The following CELSR1 variants were observed in gnomAD, a reference collection of about 807,000 sequenced individuals.
CELSR1 encodes cadherin EGF LAG seven-pass G-type receptor 1, also known as adhesion G protein-coupled receptor C1.
CELSR1 carries 110 observed loss-of-function variants against 249.1 expected under a neutral mutation model. That is an observed-to-expected ratio of 0.44 (90% CI 0.38 to 0.52). CELSR1 has a LOEUF of 0.52. CELSR1 is among the 20% of genes least tolerant of loss of function. The pLI, the probability that CELSR1 is intolerant of heterozygous loss-of-function variation, is 0.00. For synonymous variants in CELSR1, 2,113 were observed against 1,900.0 expected, an observed-to-expected ratio of 1.11 and a Z score of -2.92; for missense variants, 4,109 against 4,296.4, an observed-to-expected ratio of 0.96 and a Z score of 1.22.
intron 29 of CELSR1, 36 bp from the exon 30 acceptor site, chr22:46,366,516 GTGGCCACCACA>G: frequency 6.7e-7 from 1 of 1,484,084 alleles, no homozygotes; most frequent in African/African-American, 1.4e-5. Context: ...CTGCCAAGTG[GTGGCCACCACA>G]TGACCACCAC....
At chr22:46,507,941 G>A (rs2147755441) in intron 1 of CELSR1, among the ~76,000 whole-genome samples, 1 of 152,264 alleles carries the variant, frequency 6.6e-6, no homozygotes, top group East Asian at 1.9e-4. Flanking sequence ...CTGTGCCGTG[G>A]CCACCCATCT....
chr22:46,445,135 G>T lies in CELSR1; in HGVS notation c.4184-5724C>A, dbSNP rs950570905. ...CCTTTGAACCCAGGAGGCGGAGTTT[G>T]CAGTGAGCCAAGATCACACCACCAT... On this transcript the variant is annotated intron_variant, in intron 2 of 34. Transcript: ENST00000674500. This position sits in a 1 kb window ranked among gnomAD's most constrained non-coding sequence, Gnocchi z 4.4. 1.3e-5 allele frequency among the ~76,000 whole-genome samples: 2 copies of T among 152,112 alleles called. No homozygotes were observed. Among genetic ancestry groups the T allele is most frequent in the African/African-American group, 4.8e-5 (2 of 41,394 alleles).
intron 2 of CELSR1, among the ~76,000 whole-genome samples, chr22:46,443,199 C>T (rs1459402516): frequency 2.0e-5 from 3 of 152,208 alleles, no homozygotes; most frequent in East Asian, 3.8e-4. Flanking sequence ...AAATCGCTGA[C>T]GTTTTGCTGA....
Position 46,468,599 on chromosome 22 carries a change from G to C in CELSR1, c.3545-4254C>G, listed in dbSNP as rs776428681. Reference sequence around the variant, plus strand: ...AGTAGAATGATGGGTGCCACGGGTGGGGAGGCAGATTGGGGAGCTGTTGTT... The same window carrying C: ...AGTAGAATGATGGGTGCCACGGGTGCGGAGGCAGATTGGGGAGCTGTTGTT... On this transcript the variant is annotated intron_variant, in intron 1 of 34. Transcript: ENST00000674500. This position sits in a 1 kb window ranked among gnomAD's most constrained non-coding sequence, Gnocchi z 4.5. 2.6e-5 allele frequency among the ~76,000 whole-genome samples: 4 copies of C among 152,132 alleles called. No individual in the cohort carries two copies. Among genetic ancestry groups the C allele is most frequent in the Non-Finnish European group, 4.4e-5 (3 of 68,038 alleles).
At position 46,535,638 on chromosome 22, in the gene CELSR1, C is replaced by T. The variant is rs1184628913; in HGVS notation, c.1533G>A (p.Ser511=). The T allele has an allele frequency of 3.1e-6, 5 of 1,613,216 alleles. No individual in the cohort carries two copies. The highest frequency in any genetic ancestry group is 4.5e-5 in the East Asian group (2 of 44,890). ...GNVAGQFYLH[S]LSGILDVINP... is the part of the protein sequence containing the mutation. ...TGATCACATCCAGGATCCCGCTCAG[C>T]GAGTGCAGGTAGAACTGGCCGGCCA... The change falls in exon 1 of 35, where the codon TCG becomes TCA. Residue 511 remains serine, a synonymous_variant. Coordinates refer to ENST00000674500, the MANE Select transcript of CELSR1 (RefSeq NM_001378328.1).
At chr22:46,458,885 GT>G (rs574003604) in intron 2 of CELSR1, among the ~76,000 whole-genome samples, 6 of 151,498 alleles carry the variant, frequency 4.0e-5, no homozygotes, top group African/African-American at 4.8e-5. Context: ...CCCAGTTTAG[GT>G]TTTTTTTTGT....
At position 46,463,795 on chromosome 22, in the gene CELSR1, G is replaced by A. The variant is rs1301405486; in HGVS notation, c.4095C>T (p.Asp1365=). The A allele has an allele frequency of 1.6e-5, 25 of 1,606,154 alleles. No individual in the cohort carries two copies. Among genetic ancestry groups the A allele is most frequent in the Non-Finnish European group, 2.1e-5 (25 of 1,176,510 alleles). ...CGCCGCACGGGTCGGAGTAGCAGAG[G>A]TCGATCTCCGTCTCGCAGTAGTCGC... ...FTGDYCETEI[D]LCYSDPCGAN... The change falls in exon 2 of 35, where the codon GAC becomes GAT. Residue 1365 remains aspartate, a synonymous_variant. Coordinates refer to ENST00000674500, the MANE Select transcript of CELSR1 (RefSeq NM_001378328.1).
intron 1 of CELSR1, among the ~76,000 whole-genome samples, chr22:46,476,205 T>C (rs569784226): frequency 2.0e-4 from 30 of 152,300 alleles, no homozygotes; most frequent in African/African-American, 7.2e-4. Context: ...CACAGCATTA[T>C]TCACAATAAC....
At chr22:46,511,041 G>C (rs1291398666) in intron 1 of CELSR1, among the ~76,000 whole-genome samples, 1 of 152,090 alleles carries the variant, frequency 6.6e-6, no homozygotes, top group African/African-American at 2.4e-5. Context: ...TTGAACCCAG[G>C]AGGCGGAGGT....
intron 22 of CELSR1, 54 bp from the exon 23 acceptor site, chr22:46,378,771 G>A: frequency 6.3e-7 from 1 of 1,577,840 alleles, no homozygotes. Flanking sequence ...CTGCCCATGA[G>A]TCTGTAAAGG....
chr22:46,373,720 A>AAGGGGGAGAGG (rs1391301631), intron 24 of CELSR1, among the ~76,000 whole-genome samples: 1 of 139,372 alleles, frequency 7.2e-6, no homozygotes, highest in African/African-American at 3.3e-5. Flanking sequence ...GATGGGGGAG[A>AAGGGGGAGAGG]TGGGAGCAAT....
chr22:46,412,829 A>G lies in CELSR1; in HGVS notation c.4612-1070T>C, dbSNP rs2079353954. Among the ~76,000 whole-genome samples, 1 of 152,238 alleles carries G rather than the reference A, an allele frequency of 6.6e-6. No individual in the cohort carries two copies. Among genetic ancestry groups the G allele is most frequent in the African/African-American group, 2.4e-5 (1 of 41,464 alleles). ...GCCAGCTCCAACCGGGACAGGCAACAGAATGTCTTTCATCTGCACAACCTG... is the reference window on the plus strand; with the variant it reads ...GCCAGCTCCAACCGGGACAGGCAACGGAATGTCTTTCATCTGCACAACCTG... On this transcript the variant is annotated intron_variant, in intron 5 of 34. Transcript: ENST00000674500. The surrounding 1 kb of genome is among the most constrained non-coding windows in gnomAD (Gnocchi z 4.5).
intron 1 of CELSR1, among the ~76,000 whole-genome samples, chr22:46,515,134 G>C (rs1237894477): frequency 6.6e-6 from 1 of 151,730 alleles, no homozygotes; most frequent in Non-Finnish European, 1.5e-5. Context: ...AACCCCCCCC[G>C]GGGACACTCA....
At chr22:46,367,926 G>T in intron 27 of CELSR1, 71 bp from the exon 28 acceptor site, 1 of 1,497,280 alleles carries the variant, frequency 6.7e-7, no homozygotes, top group Non-Finnish European at 9.0e-7. Context: ...CTCTCTGCAC[G>T]TCCACCTGTC....
chr22:46,445,188 C>G lies in CELSR1; in HGVS notation c.4184-5777G>C, dbSNP rs536521098. The stretch of plus-strand genomic sequence containing the variant: ...TCCAGTCTGGGTGACAAGAGCGAAA[C>G]TCCACCTCAAAAATAAAAAATAAGG... On this transcript the variant is annotated intron_variant, in intron 2 of 34. Transcript: ENST00000674500. This position sits in a 1 kb window ranked among gnomAD's most constrained non-coding sequence, Gnocchi z 4.4. Among the ~76,000 whole-genome samples, 19 of 151,574 alleles carry G rather than the reference C, an allele frequency of 1.3e-4. No homozygotes were observed. Among genetic ancestry groups the G allele is most frequent in the African/African-American group, 4.4e-4 (18 of 41,270 alleles).
Position 46,429,267 on chromosome 22 carries a change from G to T in CELSR1, c.4611+4126C>A, listed in dbSNP as rs181580070. On this transcript the variant is annotated intron_variant, in intron 5 of 34. Transcript: ENST00000674500. The surrounding 1 kb of genome is among the most constrained non-coding windows in gnomAD (Gnocchi z 4.1). ...GAGGGCAAAACCGATTCTCAAGTGGGGAGAACGTTTTCCGTCAGGCATGTC... is the reference window on the plus strand; with the variant it reads ...GAGGGCAAAACCGATTCTCAAGTGGTGAGAACGTTTTCCGTCAGGCATGTC... Among the ~76,000 whole-genome samples the T allele has an allele frequency of 6.6e-6, 1 of 152,290 alleles. No homozygotes were observed. Among genetic ancestry groups the T allele is most frequent in the East Asian group, 1.9e-4 (1 of 5,178 alleles).
At chr22:46,420,537 GCACA>G (rs527452460) in intron 5 of CELSR1, among the ~76,000 whole-genome samples, 11 of 152,166 alleles carry the variant, frequency 7.2e-5, no homozygotes, top group South Asian at 2.1e-4. Context: ...ACTTGCATGT[GCACA>G]CACAGATATA....
rs1423575053 is a variant in CELSR1 at position 46,437,320 on chromosome 22, C to T, written c.4407-1031G>A. ...TCCTGAGTGAGCTTGGGACTGGCTCCTGAGCTGGCTGGGTGTCTCCACCAT... is the reference window on the plus strand; with the variant it reads ...TCCTGAGTGAGCTTGGGACTGGCTCTTGAGCTGGCTGGGTGTCTCCACCAT... On this transcript the variant is annotated intron_variant, in intron 3 of 34. Coordinates refer to ENST00000674500, the MANE Select transcript of CELSR1 (RefSeq NM_001378328.1). The surrounding 1 kb of genome is among the most constrained non-coding windows in gnomAD (Gnocchi z 4.9). Among the ~76,000 whole-genome samples, 1 of 152,222 alleles carries T rather than the reference C, an allele frequency of 6.6e-6. No individual in the cohort carries two copies. Among genetic ancestry groups the T allele is most frequent in the Non-Finnish European group, 1.5e-5 (1 of 68,040 alleles).
rs988567830 is a variant in CELSR1 at position 46,433,112 on chromosome 22, T to C, written c.4611+281A>G. 6.6e-5 allele frequency among the ~76,000 whole-genome samples: 10 copies of C among 152,122 alleles called. No homozygotes were observed. Among genetic ancestry groups the C allele is most frequent in the Non-Finnish European group, 1.2e-4 (8 of 68,016 alleles). On this transcript the variant is annotated intron_variant, in intron 5 of 34. Transcript: ENST00000674500. The surrounding 1 kb of genome is among the most constrained non-coding windows in gnomAD (Gnocchi z 5.7). ...CACGATCTCGGCTCACTGTAACTTC[T>C]GCCTCCCAGGCTCAAGTGACTCTCC...
Sources: allele counts gnomAD v4.1 joint callset (sites outside exome capture counted in the v4.1 genomes callset), GRCh38; gene constraint gnomAD v4.1.1; non-coding constraint Gnocchi (gnomAD v3.1); transcripts MANE v1.5; gene names NCBI Gene and HGNC (gene_info 2026-07-23, HGNC 2026-07-21).